Variants in CDH13 observed in about 807,000 individuals in gnomAD.
CDH13 encodes cadherin 13.
A neutral mutation model predicts 63.8 loss-of-function variants in CDH13; 24 were observed. The ratio of observed to expected loss-of-function variants is 0.38; its 90% CI spans 0.27 to 0.53. The LOEUF (loss-of-function observed/expected upper bound fraction) is 0.53. CDH13 is among the 20% of genes least tolerant of loss of function. CDH13 has a pLI of 0.85. For synonymous variants in CDH13, 503 were observed against 355.3 expected (o/e 1.42, Z -4.67); for missense variants, 1,049 against 903.1 (o/e 1.16, Z -2.07).
chr16:82,818,474 T>C (rs956867629), intron 1 of CDH13, among the ~76,000 whole-genome samples: 11 of 152,160 alleles, frequency 7.2e-5, no homozygotes, highest in African/African-American at 2.7e-4. Context: ...CATAAAGTGA[T>C]AATTTCCATA....
At chr16:82,823,522 G>C (rs1463025066) in intron 1 of CDH13, 1 of 152,188 alleles carries the variant, frequency 6.6e-6, no homozygotes, top group African/African-American at 2.4e-5. Context: ...GTGTACTCAA[G>C]ATGCTGGCAT....
intron 7 of CDH13, among the ~76,000 whole-genome samples, chr16:83,560,901 C>T (rs75793425): frequency 1.4e-5 from 2 of 139,352 alleles, no homozygotes; most frequent in East Asian, 2.1e-4. Flanking sequence ...TAAGGTTGGC[C>T]CCCCCCCCGC....
chr16:83,767,017 C>A (rs1206253145), intron 11 of CDH13, among the ~76,000 whole-genome samples: 1 of 152,306 alleles, frequency 6.6e-6, no homozygotes, highest in South Asian at 2.1e-4. Context: ...AATTAAACCC[C>A]TTTCCCTTAT....
chr16:83,693,417 T>C (rs760252909), intron 10 of CDH13, among the ~76,000 whole-genome samples: 23 of 152,230 alleles, frequency 1.5e-4, no homozygotes, highest in Non-Finnish European at 2.6e-4. Flanking sequence ...TCTTTGAGAC[T>C]GATAGGGGTG....
chr16:82,651,839 G>C (rs903889502), intron 1 of CDH13, among the ~76,000 whole-genome samples: 5 of 152,198 alleles, frequency 3.3e-5, no homozygotes, highest in African/African-American at 1.2e-4. Flanking sequence ...AGGTGATTGT[G>C]GTCTTGGACC....
intron 7 of CDH13, among the ~76,000 whole-genome samples, chr16:83,556,364 C>G (rs868309142): frequency 1.3e-5 from 2 of 152,150 alleles, no homozygotes; most frequent in Non-Finnish European, 2.9e-5. Context: ...GGTTAAATGC[C>G]TTGTCTAAAT....
intron 10 of CDH13, among the ~76,000 whole-genome samples, chr16:83,690,555 C>T (rs983302666): frequency 6.6e-6 from 1 of 151,998 alleles, no homozygotes; most frequent in African/African-American, 2.4e-5. Context: ...AAGTGTTAAG[C>T]ATGCTAGTGG....
chr16:82,627,337 C>CTT (rs1361611702), intron 1 of CDH13, among the ~76,000 whole-genome samples, 200 bp downstream of exon 1: 1 of 131,184 alleles, frequency 7.6e-6, no homozygotes, highest in African/African-American at 2.8e-5. Context: ...CTCTGGCGTG[C>CTT]GTGTGTGTGT....
chr16:83,242,141 C>T (rs12928619), intron 5 of CDH13, among the ~76,000 whole-genome samples: 15,965 of 152,156 alleles, frequency 0.1, 1,106 homozygotes, highest in Non-Finnish European at 0.16. Context: ...CAGCCATATA[C>T]ATAAGGGTTT....
intron 5 of CDH13, among the ~76,000 whole-genome samples, chr16:83,277,913 A>G (rs985503150): frequency 6.6e-6 from 1 of 151,952 alleles, no homozygotes; most frequent in Admixed American, 6.6e-5. Flanking sequence ...GCAACAAACT[A>G]AATAAATGTA....
intron 6 of CDH13, among the ~76,000 whole-genome samples, chr16:83,419,290 A>C (rs2071644266): frequency 6.6e-6 from 1 of 152,162 alleles, no homozygotes; most frequent in African/African-American, 2.4e-5. Context: ...TGCCTCTTCC[A>C]CCCATACAAG....
chr16:82,759,525 A>T (rs1465498696), intron 1 of CDH13, among the ~76,000 whole-genome samples: 1 of 150,778 alleles, frequency 6.6e-6, no homozygotes, highest in African/African-American at 2.4e-5. Context: ...AATATGTAGT[A>T]ATATATACAT....
intron 2 of CDH13, chr16:82,858,809 C>T (rs1041035538): frequency 8.0e-6 from 3 of 374,910 alleles, no homozygotes; most frequent in Non-Finnish European, 1.4e-5. Flanking sequence ...AAATCAAAAT[C>T]ATTGCCTTCT....
At chr16:83,243,788 G>A (rs2151817450) in intron 5 of CDH13, among the ~76,000 whole-genome samples, 1 of 152,260 alleles carries the variant, frequency 6.6e-6, no homozygotes, top group East Asian at 1.9e-4. Context: ...TATACTTATG[G>A]TCAGTTAGTA....
At chr16:82,686,832 C>G (rs1434758359) in intron 1 of CDH13, among the ~76,000 whole-genome samples, 2 of 152,138 alleles carry the variant, frequency 1.3e-5, no homozygotes, top group African/African-American at 4.8e-5. Context: ...CCATAACACC[C>G]CCACCATGTG....
chr16:83,410,459 A>G (rs2092109310), intron 6 of CDH13, among the ~76,000 whole-genome samples: 1 of 152,212 alleles, frequency 6.6e-6, no homozygotes, highest in African/African-American at 2.4e-5. Flanking sequence ...ATAGATCAAG[A>G]TAATGCCAGA....
At chr16:83,187,099 T>C (rs1192279919) in intron 4 of CDH13, among the ~76,000 whole-genome samples, 1 of 152,044 alleles carries the variant, frequency 6.6e-6, no homozygotes, top group East Asian at 1.9e-4. Flanking sequence ...GCCTCCTGAG[T>C]AGCTGGGACT....
chr16:83,382,042 A>G (rs151268815), intron 6 of CDH13, among the ~76,000 whole-genome samples: 3 of 152,336 alleles, frequency 2.0e-5, no homozygotes, highest in South Asian at 2.1e-4. Context: ...CATGGGTCCC[A>G]TAATCCAATG....
chr16:83,743,748 C>CTTTTTTTTTTTTTTTCTTTT (rs1912284645), intron 10 of CDH13, among the ~76,000 whole-genome samples: 1 of 76,258 alleles, frequency 1.3e-5, no homozygotes, highest in African/African-American at 5.5e-5. Flanking sequence ...TTTCTTTTTT[C>CTTTTTTTTTTTTTTTCTTTT]TTTTTTTTTT....
Sources: allele counts gnomAD v4.1 joint callset (sites outside exome capture counted in the v4.1 genomes callset), GRCh38; gene constraint gnomAD v4.1.1; transcripts MANE v1.5; gene names NCBI Gene and HGNC (gene_info 2026-07-23, HGNC 2026-07-21).